The following PDE4D variants were observed in gnomAD, a reference collection of about 807,000 sequenced individuals.
The protein encoded by PDE4D is phosphodiesterase 4D.
PDE4D carries 24 observed loss-of-function variants against 87.4 expected under a neutral mutation model. The observed-to-expected ratio is 0.27, with a 90% CI of 0.20 to 0.39. The LOEUF (loss-of-function observed/expected upper bound fraction) is 0.39. Ranked by LOEUF, PDE4D falls within the 10% of genes least tolerant of loss-of-function variation. PDE4D has a pLI of 1.00. For synonymous variants in PDE4D, 384 were observed against 383.2 expected (o/e 1.00, Z -0.02); for missense variants, 714 against 1,041.0 (o/e 0.69, Z 4.32).
At chr5:60,382,675 A>G (rs1761947099) in intron 1 of PDE4D, among the ~76,000 whole-genome samples, 1 of 152,298 alleles carries the variant, frequency 6.6e-6, no homozygotes, top group East Asian at 1.9e-4. Context: ...TTATGACCTC[A>G]GGTACTTCTT....
In PDE4D at chr5:58,971,664, T is replaced by C. The variant is rs181672311; in HGVS notation, c.*3000A>G. The C allele has an allele frequency of 1.3e-5, 2 of 152,754 alleles. No individual in the cohort carries two copies. The highest frequency in any genetic ancestry group is 1.9e-4 in the East Asian group (1 of 5,186). 9.5% of individuals were successfully genotyped at this position (152,754 alleles called of 1,614,324 possible). A position where few individuals can be genotyped will look rare whatever the true frequency, so the allele number is the denominator to read the frequency against. ...CTACATTATTGTGAATTTTAACTGA[T>C]ATAAAACAAAATTAAAACAGCATTA... On this transcript the variant is annotated 3_prime_UTR_variant, in exon 15 of 15. Coordinates refer to ENST00000340635, the MANE Select transcript of PDE4D (RefSeq NM_001104631.2).
upstream of PDE4D, chr5:60,490,718 C>G (rs1749488244): frequency 6.6e-6 from 1 of 152,190 alleles, no homozygotes; most frequent in Admixed American, 6.5e-5. Flanking sequence ...TTTCCTTCAT[C>G]TTAACCCCGC....
chr5:59,893,835 C>T, upstream of PDE4D: 2 of 1,319,900 alleles, frequency 1.5e-6, no homozygotes, highest in South Asian at 2.2e-5. Context: ...GGCAGGGCTC[C>T]TTCCACCGAG....
At chr5:59,246,880 T>C (rs1233244234) in intron 1 of PDE4D, among the ~76,000 whole-genome samples, 1 of 152,156 alleles carries the variant, frequency 6.6e-6, no homozygotes, top group Non-Finnish European at 1.5e-5. Context: ...TAAATATTTA[T>C]AACCCTCAAA....
At chr5:59,401,474 A>G (rs62355550) in intron 1 of PDE4D, among the ~76,000 whole-genome samples, 43 of 65,994 alleles carry the variant, frequency 6.5e-4, no homozygotes, top group Middle Eastern at 0.018. Flanking sequence ...CTATCTATCT[A>G]TCTATCTATC....
At chr5:59,666,150 G>A (rs1746044064) in intron 1 of PDE4D, among the ~76,000 whole-genome samples, 2 of 152,042 alleles carry the variant, frequency 1.3e-5, no homozygotes, top group Non-Finnish European at 2.9e-5. Context: ...TAGTAGAGAT[G>A]GGGTTTCGCC....
At chr5:59,900,251 T>A (rs79076183) in intron 3 of PDE4D, among the ~76,000 whole-genome samples, 57,463 of 125,982 alleles carry the variant, frequency 0.46, 12,981 homozygotes, top group Non-Finnish European at 0.53. Context: ...AAAAAAAATA[T>A]ATATATATAT....
chr5:59,141,424 G>A (rs1025887066), intron 5 of PDE4D, among the ~76,000 whole-genome samples: 3 of 152,148 alleles, frequency 2.0e-5, no homozygotes, highest in Non-Finnish European at 2.9e-5. Flanking sequence ...TATTAACAAA[G>A]TTAAGACTAT....
At chr5:59,373,184 C>A (rs1022876873) in intron 1 of PDE4D, among the ~76,000 whole-genome samples, 2 of 152,004 alleles carry the variant, frequency 1.3e-5, no homozygotes, top group African/African-American at 2.4e-5. Context: ...GCTGAGATGG[C>A]TGAAATGACA....
At chr5:60,503,724 T>G (rs1011298827) in intron 1 of PDE4D, among the ~76,000 whole-genome samples, 7 of 152,180 alleles carry the variant, frequency 4.6e-5, no homozygotes, top group African/African-American at 1.7e-4. Context: ...TACGGGTTTA[T>G]CAGAATATAG....
chr5:60,128,714 T>G (rs1475947465), intron 2 of PDE4D, among the ~76,000 whole-genome samples: 1 of 152,216 alleles, frequency 6.6e-6, no homozygotes, highest in African/African-American at 2.4e-5. Context: ...CTCTAACTGA[T>G]ACACTGAAGC....
intron 1 of PDE4D, among the ~76,000 whole-genome samples, chr5:59,376,332 A>C (rs1465106212): frequency 5.9e-5 from 9 of 152,240 alleles, no homozygotes; most frequent in Non-Finnish European, 1.2e-4. Context: ...CAACTTCAGC[A>C]AAGTTTCAGG....
intron 3 of PDE4D, among the ~76,000 whole-genome samples, chr5:59,927,737 G>A (rs1431648752): frequency 6.6e-6 from 1 of 152,168 alleles, no homozygotes; most frequent in East Asian, 1.9e-4. Flanking sequence ...TCTTTTTGAT[G>A]ATATACATGG....
At chr5:59,973,277 C>A (rs555451556) in intron 3 of PDE4D, among the ~76,000 whole-genome samples, 158 of 152,164 alleles carry the variant, frequency 1.0e-3, no homozygotes, top group African/African-American at 3.6e-3. Context: ...AAATAAAAAA[C>A]CACAATTTTG....
chr5:59,214,462 C>T (rs1750789986), intron 2 of PDE4D, among the ~76,000 whole-genome samples: 1 of 152,052 alleles, frequency 6.6e-6, no homozygotes. Flanking sequence ...GTATCTTTCC[C>T]TTGGGTGGAA....
chr5:60,422,012 C>A (rs1743153350), intron 1 of PDE4D, among the ~76,000 whole-genome samples: 1 of 152,070 alleles, frequency 6.6e-6, no homozygotes, highest in Admixed American at 6.5e-5. Flanking sequence ...TAAAAAGAAA[C>A]AAACAAAGCC....
intron 1 of PDE4D, among the ~76,000 whole-genome samples, chr5:59,305,301 T>A (rs1321225705): frequency 6.6e-6 from 1 of 152,104 alleles, no homozygotes; most frequent in African/African-American, 2.4e-5. Context: ...TGGTTAATCT[T>A]GCTAATGGTC....
chr5:60,031,209 T>A (rs1475226195), intron 2 of PDE4D, among the ~76,000 whole-genome samples: 1 of 152,208 alleles, frequency 6.6e-6, no homozygotes, highest in African/African-American at 2.4e-5. Context: ...TAACCACCTA[T>A]GATTAAAGAA....
At chr5:59,212,326 C>T (rs187716789) in intron 2 of PDE4D, among the ~76,000 whole-genome samples, 32 of 152,196 alleles carry the variant, frequency 2.1e-4, no homozygotes, top group Admixed American at 2.0e-3. Context: ...GAAACTTAAT[C>T]TCCTTGGTAG....
Sources: allele counts gnomAD v4.1 joint callset (sites outside exome capture counted in the v4.1 genomes callset), GRCh38; gene constraint gnomAD v4.1.1; transcripts MANE v1.5; gene names NCBI Gene and HGNC (gene_info 2026-07-23, HGNC 2026-07-21).